Variants in VIPR1 observed in about 807,000 individuals in gnomAD.
VIPR1 encodes the protein vasoactive intestinal polypeptide receptor 1.
VIPR1 carries 59 observed loss-of-function variants against 58.8 expected under a neutral mutation model. That is an observed-to-expected ratio of 1.00 (90% CI 0.81 to 1.25). VIPR1 has a LOEUF of 1.25. Ranked by LOEUF, VIPR1 falls within the 50% of genes most tolerant of loss-of-function variation. The pLI is 0.00. For missense variants in VIPR1, 626 were observed against 602.7 expected (o/e 1.04, Z -0.40); for synonymous variants, 251 against 242.1 (o/e 1.04, Z -0.34).
chr3:42,527,045 C>G (rs1227855944), intron 4 of VIPR1, among the ~76,000 whole-genome samples: 4 of 152,052 alleles, frequency 2.6e-5, no homozygotes, highest in Non-Finnish European at 4.4e-5. Context: ...CAGCTCAGAG[C>G]TGGCACAGAA....
chr3:42,491,781 G>A (rs1559472989), intron 1 of VIPR1, among the ~76,000 whole-genome samples: 1 of 152,172 alleles, frequency 6.6e-6, no homozygotes. Flanking sequence ...CGCCATGTTG[G>A]CCAGGCTGGT....
chr3:42,498,697 T>C (rs1699811621), upstream of VIPR1, among the ~76,000 whole-genome samples: 1 of 152,090 alleles, frequency 6.6e-6, no homozygotes, highest in South Asian at 2.1e-4. Flanking sequence ...TAGATGCAGG[T>C]GTAGCACCAA....
rs1701859604 is a variant in VIPR1, at chr3:42,536,520, A to AGG, written c.*239_*240insGG. 4 of 439,502 alleles carry AGG rather than the reference A, an allele frequency of 9.1e-6. No homozygotes were observed. In the South Asian group the frequency reaches 2.2e-4, roughly 24 times the overall value. The allele number at this position is 439,502 out of a possible 1,614,324, so 27.2% of individuals were successfully genotyped here. Reference sequence around the variant, plus strand: ...TCCTCTCCTGGAGGATTGCAGGTGGAACTCAGTCATTAGACTCCTCCTCCA... The same window carrying AGG: ...TCCTCTCCTGGAGGATTGCAGGTGGAGGACTCAGTCATTAGACTCCTCCTCCA... On this transcript the variant is annotated 3_prime_UTR_variant, in exon 13 of 13. Coordinates refer to ENST00000325123, the MANE Select transcript of VIPR1 (RefSeq NM_004624.4).
chr3:42,493,485 G>T lies in VIPR1; in HGVS notation c.-245+3807G>T, dbSNP rs531979059. On this transcript the variant is annotated intron_variant, in intron 1 of 13. Coordinates refer to the VIPR1 transcript ENST00000433647. ...TGCCTGTGGGCACAGTTGGGCCTAGGGTCCCTAGAGGCCTTTATGCTGGAT... is the reference window on the plus strand; with the variant it reads ...TGCCTGTGGGCACAGTTGGGCCTAGTGTCCCTAGAGGCCTTTATGCTGGAT... Among the ~76,000 whole-genome samples the T allele has an allele frequency of 1.2e-3, 184 of 152,332 alleles. 1 individual carries two copies. Among genetic ancestry groups the T allele is most frequent in the Non-Finnish European group, 1.4e-3 (96 of 68,026 alleles).
chr3:42,496,445 T>C (rs1699763724), intron 1 of VIPR1, among the ~76,000 whole-genome samples: 1 of 152,246 alleles, frequency 6.6e-6, no homozygotes, highest in Non-Finnish European at 1.5e-5. Context: ...CAACTTGCTT[T>C]GGTTGCTGGA....
Position 42,530,807 on chromosome 3 carries a change from T to C in VIPR1, c.665T>C (p.Phe222Ser). The C allele has an allele frequency of 6.2e-7, 1 of 1,614,120 alleles. No homozygotes were observed. Reference protein sequence around the residue: ...SVGCKAAMVFFQYCVMANFFW... With the variant: ...SVGCKAAMVFSQYCVMANFFW... ...GGCTGTAAGGCAGCCATGGTCTTTT[T>C]CCAATATTGTGTCATGGCTAACTTC... The change falls in exon 7 of 13, where the codon TTC becomes TCC. Residue 222 changes from phenylalanine to serine, a missense_variant. Transcript: ENST00000325123.
chr3:42,530,548 T>C (rs776859595), intron 6 of VIPR1: 4 of 514,620 alleles, frequency 7.8e-6, no homozygotes, highest in Non-Finnish European at 1.4e-5. Flanking sequence ...GGTGAATAGA[T>C]GAATTGATGG....
At chr3:42,499,142 T>C (rs962750303), upstream of VIPR1, among the ~76,000 whole-genome samples, 26 of 152,172 alleles carry the variant, frequency 1.7e-4, no homozygotes, top group African/African-American at 6.0e-4. Context: ...GGCAGGGGAA[T>C]CCTAGAGCAG....
intron 2 of VIPR1, among the ~76,000 whole-genome samples, chr3:42,514,170 C>T (rs2125646128): frequency 6.6e-6 from 1 of 151,804 alleles, no homozygotes; most frequent in South Asian, 2.1e-4. Flanking sequence ...GGCCAGCCCA[C>T]CCAGGACACA....
At chr3:42,501,713 G>A (rs1393268229), upstream of VIPR1, among the ~76,000 whole-genome samples, 2 of 152,218 alleles carry the variant, frequency 1.3e-5, no homozygotes, top group African/African-American at 4.8e-5. This position sits in a 1 kb window ranked among gnomAD's most constrained non-coding sequence, Gnocchi z 4.8. Flanking sequence ...CCAGGGTCCT[G>A]GCCCCTCTCT....
At chr3:42,525,506 C>T (rs530175570) in intron 3 of VIPR1, among the ~76,000 whole-genome samples, 6 of 152,258 alleles carry the variant, frequency 3.9e-5, no homozygotes, top group African/African-American at 1.4e-4. Flanking sequence ...GCCCCTTCCC[C>T]CAGCCGTGGC....
At chr3:42,517,749 G>A (rs1475872215) in intron 2 of VIPR1, among the ~76,000 whole-genome samples, 1 of 152,230 alleles carries the variant, frequency 6.6e-6, no homozygotes, top group Non-Finnish European at 1.5e-5. Context: ...TGAGAGGCAG[G>A]TGAATCACCT....
At chr3:42,504,264 C>A (rs974506729) in intron 1 of VIPR1, among the ~76,000 whole-genome samples, 7 of 152,170 alleles carry the variant, frequency 4.6e-5, no homozygotes, top group African/African-American at 1.7e-4. Flanking sequence ...TCCCGAGAAG[C>A]TTCTGAGCCC....
At chr3:42,522,320 G>A (rs977268357) in intron 3 of VIPR1, among the ~76,000 whole-genome samples, 4 of 151,254 alleles carry the variant, frequency 2.6e-5, no homozygotes, top group Admixed American at 2.6e-4. Context: ...TGTTAGCCAG[G>A]ATGGTCTCGA....
chr3:42,532,463 C>A (rs1048718412), intron 10 of VIPR1, 130 bp downstream of exon 10: 51 of 989,410 alleles, frequency 5.2e-5, no homozygotes, highest in Non-Finnish European at 6.9e-5. Context: ...TCTTTCCCAC[C>A]TCCACCATGG....
intron 2 of VIPR1, 89 bp from the exon 3 acceptor site, chr3:42,519,134 G>A (rs1700782081): frequency 9.4e-7 from 1 of 1,068,260 alleles, no homozygotes; most frequent in Non-Finnish European, 1.3e-6. Context: ...GCAGAGGGAG[G>A]AAGAGAGTGG....
chr3:42,504,749 G>C (rs1167930140), intron 1 of VIPR1, among the ~76,000 whole-genome samples: 1 of 142,078 alleles, frequency 7.0e-6, no homozygotes, highest in Non-Finnish European at 1.5e-5. Flanking sequence ...GCCGGACTCG[G>C]TGTGACGGCG....
chr3:42,531,761 G>T (rs774034162), intron 8 of VIPR1, 42 bp from the exon 9 acceptor site: 1 of 1,613,138 alleles, frequency 6.2e-7, no homozygotes, highest in South Asian at 1.1e-5. Context: ...TCTCTCTCTG[G>T]CTGAGGACAA....
chr3:42,531,689 G>A (rs1480081535), intron 8 of VIPR1, 114 bp from the exon 9 acceptor site: 1 of 1,544,782 alleles, frequency 6.5e-7, no homozygotes, highest in African/African-American at 1.4e-5. Flanking sequence ...CAGACTCTGG[G>A]CCCGGGGTTG....
Sources: allele counts gnomAD v4.1 joint callset (sites outside exome capture counted in the v4.1 genomes callset), GRCh38; gene constraint gnomAD v4.1.1; non-coding constraint Gnocchi (gnomAD v3.1); transcripts MANE v1.5; gene names NCBI Gene and HGNC (gene_info 2026-07-23, HGNC 2026-07-21).